KCNAB1: variants seen among roughly 807,000 people sequenced by gnomAD.
KCNAB1 encodes voltage-gated potassium channel subunit beta-1.
Under a neutral mutation model 64.6 loss-of-function variants are expected in KCNAB1, and 35 were observed. That is an observed-to-expected ratio of 0.54 (90% CI 0.41 to 0.72). KCNAB1 has a LOEUF of 0.72. KCNAB1 is among the 30% of genes least tolerant of loss of function. The probability of loss-of-function intolerance (pLI) is 0.00; values close to 1 mark genes in which losing one functional copy is unlikely to be tolerated. For synonymous variants in KCNAB1, 177 were observed against 183.8 expected (o/e 0.96, Z 0.30); for missense variants, 401 against 512.9 (o/e 0.78, Z 2.11).
chr3:156,181,767 A>T (rs1712834922), intron 1 of KCNAB1, among the ~76,000 whole-genome samples: 1 of 152,090 alleles, frequency 6.6e-6, no homozygotes, highest in Non-Finnish European at 1.5e-5. Context: ...AGGCTTGATG[A>T]GTCAGTGGAT....
At chr3:156,242,745 T>C (rs1327600435) in intron 1 of KCNAB1, among the ~76,000 whole-genome samples, 1 of 151,602 alleles carries the variant, frequency 6.6e-6, no homozygotes, top group Non-Finnish European at 1.5e-5. Context: ...GTTGTTATCA[T>C]TGTGTCATAT....
chr3:156,481,307 C>T (rs2108331965), intron 8 of KCNAB1, among the ~76,000 whole-genome samples: 1 of 151,136 alleles, frequency 6.6e-6, no homozygotes, highest in South Asian at 2.1e-4. Flanking sequence ...TACATCAGAT[C>T]AATTTAACCC....
intron 1 of KCNAB1, among the ~76,000 whole-genome samples, chr3:156,270,696 A>C (rs1395285515): frequency 6.6e-6 from 1 of 152,098 alleles, no homozygotes; most frequent in African/African-American, 2.4e-5. Context: ...TCATCTTTTC[A>C]TCTTTCTACT....
intron 1 of KCNAB1, chr3:156,291,786 C>T: frequency 6.6e-7 from 1 of 1,523,970 alleles, no homozygotes; most frequent in Non-Finnish European, 8.8e-7. Flanking sequence ...CTGACGGCAT[C>T]CCCAGGAAGG....
chr3:156,419,500 C>T (rs1304758018), intron 1 of KCNAB1, among the ~76,000 whole-genome samples: 1 of 81,414 alleles, frequency 1.2e-5, no homozygotes. Flanking sequence ...GACTCCGTCT[C>T]AAAAAAAAAG....
intron 1 of KCNAB1, among the ~76,000 whole-genome samples, chr3:156,343,677 A>G (rs1216282300): frequency 2.0e-5 from 3 of 152,196 alleles, no homozygotes; most frequent in Non-Finnish European, 4.4e-5. Flanking sequence ...CATCAAAAGC[A>G]TCATGGTTTA....
chr3:156,259,866 G>A (rs1373985911), intron 1 of KCNAB1, among the ~76,000 whole-genome samples: 1 of 152,178 alleles, frequency 6.6e-6, no homozygotes, highest in East Asian at 1.9e-4. Flanking sequence ...GGGCAACTCG[G>A]TGAGGCTGCC....
chr3:156,280,658 T>C (rs1202433447), intron 1 of KCNAB1, among the ~76,000 whole-genome samples: 1 of 151,066 alleles, frequency 6.6e-6, no homozygotes, highest in Non-Finnish European at 1.5e-5. Context: ...CAGTGGTTTG[T>C]AGTTCTCCTT....
At chr3:156,344,615 A>ATAAG (rs1323589249) in intron 1 of KCNAB1, among the ~76,000 whole-genome samples, 1 of 152,230 alleles carries the variant, frequency 6.6e-6, no homozygotes, top group East Asian at 1.9e-4. Flanking sequence ...ATATCAGATA[A>ATAAG]TAAGTTCCTA....
At chr3:156,147,127 A>G (rs905141321) in intron 1 of KCNAB1, among the ~76,000 whole-genome samples, 1 of 152,216 alleles carries the variant, frequency 6.6e-6, no homozygotes. Flanking sequence ...GTATAAGCCA[A>G]TGTGTTGCAA....
chr3:156,442,354 C>T (rs1717063715), intron 2 of KCNAB1, among the ~76,000 whole-genome samples: 1 of 152,122 alleles, frequency 6.6e-6, no homozygotes, highest in African/African-American at 2.4e-5. Flanking sequence ...CTTCACATCC[C>T]CACCGTTCAT....
At chr3:156,161,942 A>G (rs1384331036) in intron 1 of KCNAB1, among the ~76,000 whole-genome samples, 2 of 152,278 alleles carry the variant, frequency 1.3e-5, no homozygotes, top group Non-Finnish European at 2.9e-5. Flanking sequence ...ATTTTTATCC[A>G]TAATAGCATG....
At chr3:156,263,172 G>T (rs1198354294) in intron 1 of KCNAB1, among the ~76,000 whole-genome samples, 8 of 151,636 alleles carry the variant, frequency 5.3e-5, no homozygotes, top group Non-Finnish European at 1.0e-4. Flanking sequence ...CTTGGATTTT[G>T]TTTACTTTTC....
chr3:156,120,770 C>G lies in KCNAB1; in HGVS notation c.159C>G (p.Ser53Arg). The G allele has an allele frequency of 6.2e-7, 1 of 1,614,230 alleles. No individual in the cohort carries two copies. Among genetic ancestry groups the G allele is most frequent in the Non-Finnish European group, 8.5e-7 (1 of 1,180,050 alleles). ...GCAGCCTTAGTCCCTCAGGGGAAAG[C>G]CAGCTCAGGGCGCGTCAACTGGCTC... is the stretch of plus-strand genomic sequence containing the variant. ...KDSSLSPSGE[S>R]QLRARQLALL... Residue 53 changes from serine to arginine, a missense_variant, in exon 1 of 14, where the codon AGC becomes AGG. Coordinates refer to ENST00000490337, the MANE Select transcript of KCNAB1 (RefSeq NM_172160.3).
intron 1 of KCNAB1, among the ~76,000 whole-genome samples, chr3:156,313,645 G>T (rs1244780175): frequency 6.6e-6 from 1 of 152,170 alleles, no homozygotes; most frequent in African/African-American, 2.4e-5. Flanking sequence ...TAAAACCTCC[G>T]GGAGGAATCA....
chr3:156,218,430 G>C (rs934862648), intron 1 of KCNAB1, among the ~76,000 whole-genome samples: 1 of 152,168 alleles, frequency 6.6e-6, no homozygotes, highest in Non-Finnish European at 1.5e-5. Context: ...TGAAGACAAA[G>C]GTTATAATCT....
intron 1 of KCNAB1, among the ~76,000 whole-genome samples, chr3:156,385,748 T>G (rs923487586): frequency 9.2e-5 from 14 of 152,212 alleles, no homozygotes; most frequent in African/African-American, 3.4e-4. Flanking sequence ...TTTCAGAAGT[T>G]TATTCATTCT....
In KCNAB1 at chr3:156,139,475, C is replaced by A. The variant is rs534689241; in HGVS notation, c.275+18589C>A. ...CCAGGTGTTCTCAGCCCTGGAGGAA[C>A]CACTTTCATGGCTCACATACTCAGA... On this transcript the variant is annotated intron_variant, in intron 1 of 13. Transcript: ENST00000490337. Among the ~76,000 whole-genome samples the A allele has an allele frequency of 4.4e-3, 673 of 152,078 alleles. 6 individuals are homozygous for A. Among genetic ancestry groups the A allele is most frequent in the African/African-American group, 0.015 (630 of 41,498 alleles).
rs149910539 is a variant in KCNAB1 at position 156,452,074 on chromosome 3, C to A, written c.320-825C>A. Among the ~76,000 whole-genome samples, 1 of 152,176 alleles carries A rather than the reference C, an allele frequency of 6.6e-6. No individual in the cohort carries two copies. The highest frequency in any genetic ancestry group is 1.9e-4 in the East Asian group (1 of 5,178). On this transcript the variant is annotated intron_variant, in intron 2 of 13. Coordinates refer to ENST00000490337, the MANE Select transcript of KCNAB1 (RefSeq NM_172160.3). This position sits in a 1 kb window ranked among gnomAD's most constrained non-coding sequence, Gnocchi z 4.6. ...ACGTGAGTGCAATGCTTTTATGTGG[C>A]ATGTAATTAGGAATCAAAAGAATTC...
Sources: gnomAD v4.1 joint callset for allele counts (sites outside exome capture counted in the v4.1 genomes callset) on GRCh38, gnomAD v4.1.1 for gene constraint, Gnocchi (gnomAD v3.1) non-coding constraint, MANE v1.5 for transcripts, NCBI Gene and HGNC (gene_info 2026-07-23, HGNC 2026-07-21) for gene names.